The following CCSER1 variants were observed in gnomAD, a reference collection of about 807,000 sequenced individuals.
CCSER1 encodes coiled-coil serine rich protein 1.
A neutral mutation model predicts 82.0 loss-of-function variants in CCSER1; 41 were observed. That is an observed-to-expected ratio of 0.50 (90% CI 0.39 to 0.65). CCSER1 has a LOEUF of 0.65. CCSER1 is among the 30% of genes least tolerant of loss of function. The pLI, the probability that CCSER1 is intolerant of heterozygous loss-of-function variation, is 0.00. For missense variants in CCSER1, 1,119 were observed against 1,064.2 expected, an observed-to-expected ratio of 1.05 and a Z score of -0.72; for synonymous variants, 414 against 383.9, an observed-to-expected ratio of 1.08 and a Z score of -0.92.
chr4:90,917,342 T>G (rs1342117317), intron 8 of CCSER1, among the ~76,000 whole-genome samples: 3 of 152,026 alleles, frequency 2.0e-5, no homozygotes, highest in Non-Finnish European at 2.9e-5. Flanking sequence ...GCCATAAAAA[T>G]GATGAGTTCA....
At chr4:90,365,560 C>G (rs1434794484) in intron 3 of CCSER1, among the ~76,000 whole-genome samples, 1 of 151,796 alleles carries the variant, frequency 6.6e-6, no homozygotes, top group Non-Finnish European at 1.5e-5. Flanking sequence ...AGTTAATTCA[C>G]TGCTTTGTAG....
intron 7 of CCSER1, among the ~76,000 whole-genome samples, chr4:90,738,409 A>T (rs1746004391): frequency 6.6e-6 from 1 of 151,074 alleles, no homozygotes; most frequent in Non-Finnish European, 1.5e-5. Context: ...GGTCAGGCGA[A>T]TTTTTTTTTG....
chr4:91,342,384 G>A (rs909937947), intron 10 of CCSER1, among the ~76,000 whole-genome samples: 2 of 152,072 alleles, frequency 1.3e-5, no homozygotes, highest in African/African-American at 4.8e-5. Flanking sequence ...TTTTTACTTA[G>A]TCTTTGGATA....
At chr4:91,432,491 A>G (rs2149394968) in intron 10 of CCSER1, among the ~76,000 whole-genome samples, 1 of 152,292 alleles carries the variant, frequency 6.6e-6, no homozygotes, top group Non-Finnish European at 1.5e-5. Context: ...TCAGGCTTAA[A>G]ACAATTTACA....
chr4:90,433,043 A>C (rs534044688), intron 4 of CCSER1, among the ~76,000 whole-genome samples: 1 of 152,170 alleles, frequency 6.6e-6, no homozygotes, highest in East Asian at 1.9e-4. Context: ...GTGGTGGTAA[A>C]TCACAAAGCC....
intron 10 of CCSER1, among the ~76,000 whole-genome samples, chr4:91,166,447 T>C (rs1432792778): frequency 6.6e-6 from 1 of 152,140 alleles, no homozygotes; most frequent in Non-Finnish European, 1.5e-5. Context: ...ATCAAGAAGA[T>C]AGCCAAATAG....
chr4:90,752,218 C>T (rs1748775383), intron 7 of CCSER1, among the ~76,000 whole-genome samples: 1 of 152,104 alleles, frequency 6.6e-6, no homozygotes, highest in African/African-American at 2.4e-5. Context: ...ACTTTAATAC[C>T]TCTGATATGC....
intron 9 of CCSER1, among the ~76,000 whole-genome samples, chr4:91,058,354 G>A (rs1010873290): frequency 2.0e-5 from 3 of 152,080 alleles, no homozygotes; most frequent in African/African-American, 7.2e-5. Context: ...CATGGGTAGA[G>A]CTAAAGGCCA....
chr4:90,304,768 C>T lies in CCSER1; in HGVS notation c.-41-3476C>T, dbSNP rs529186087. Among the ~76,000 whole-genome samples the T allele has an allele frequency of 1.4e-3, 210 of 151,016 alleles. 2 individuals carry two copies. Among genetic ancestry groups the T allele is most frequent in the Admixed American group, 6.3e-3 (96 of 15,166 alleles). On this transcript the variant is annotated intron_variant, in intron 1 of 10. Transcript: ENST00000509176. ...ACATATGTAACTAACCTGCACATTG[C>T]GCACATGTACCCTAAAACTTAAAGT...
intron 10 of CCSER1, among the ~76,000 whole-genome samples, chr4:91,313,213 A>G (rs1214672895): frequency 1.3e-5 from 2 of 151,868 alleles, no homozygotes; most frequent in African/African-American, 4.8e-5. Flanking sequence ...TATAAATTCA[A>G]TTAATATTTT....
intron 9 of CCSER1, among the ~76,000 whole-genome samples, chr4:90,937,586 T>C (rs1731108946): frequency 6.6e-6 from 1 of 151,934 alleles, no homozygotes; most frequent in South Asian, 2.1e-4. Context: ...CTGCTAAAAT[T>C]GTACCCTCCC....
intron 10 of CCSER1, among the ~76,000 whole-genome samples, chr4:91,436,829 CA>C (rs1754685077): frequency 6.6e-6 from 1 of 152,090 alleles, no homozygotes; most frequent in South Asian, 2.1e-4. Context: ...CAGAGCAGGA[CA>C]AAAAGCACAA....
At chr4:90,550,146 G>A (rs564671010) in intron 5 of CCSER1, among the ~76,000 whole-genome samples, 3 of 152,270 alleles carry the variant, frequency 2.0e-5, no homozygotes, top group Middle Eastern at 3.4e-3. Context: ...GTGGACAGTT[G>A]AGGAGAGCAA....
chr4:91,090,241 G>A (rs1723809016), intron 10 of CCSER1, among the ~76,000 whole-genome samples: 1 of 152,156 alleles, frequency 6.6e-6, no homozygotes, highest in Non-Finnish European at 1.5e-5. Context: ...TGGGCAGTAG[G>A]AAGAAAGGTG....
chr4:91,025,523 T>C (rs1319491159), intron 9 of CCSER1, among the ~76,000 whole-genome samples: 2 of 152,174 alleles, frequency 1.3e-5, no homozygotes, highest in Admixed American at 6.6e-5. Context: ...GGTGTATTTT[T>C]GTTTCACTGT....
chr4:91,063,478 T>C (rs1444303354), intron 9 of CCSER1, among the ~76,000 whole-genome samples: 1 of 152,170 alleles, frequency 6.6e-6, no homozygotes, highest in East Asian at 1.9e-4. Flanking sequence ...AATAATCAAA[T>C]GTTTTAAGTT....
chr4:91,167,955 C>T (rs147305590), intron 10 of CCSER1, among the ~76,000 whole-genome samples: 1,672 of 149,616 alleles, frequency 0.011, 22 homozygotes, highest in African/African-American at 0.039. Context: ...GCCACCACCC[C>T]GTCTGGGAAG....
At chr4:90,210,064 T>G (rs1367037749) in intron 1 of CCSER1, among the ~76,000 whole-genome samples, 1 of 152,232 alleles carries the variant, frequency 6.6e-6, no homozygotes, top group Non-Finnish European at 1.5e-5. Flanking sequence ...TGCATAATAC[T>G]AACTGGAGGA....
chr4:90,516,485 GGCAGACTTCCTTATGAGA>G (rs1469671449), intron 5 of CCSER1, among the ~76,000 whole-genome samples: 3 of 152,028 alleles, frequency 2.0e-5, no homozygotes, highest in Non-Finnish European at 4.4e-5. Context: ...GGTTATAGAG[GGCAGACTTCCTTATGAGA>G]GCCTTATGAA....
Sources: allele counts gnomAD v4.1 joint callset (sites outside exome capture counted in the v4.1 genomes callset), GRCh38; gene constraint gnomAD v4.1.1; transcripts MANE v1.5; gene names NCBI Gene and HGNC (gene_info 2026-07-23, HGNC 2026-07-21).